The following MYO16 variants were observed in gnomAD, a reference collection of about 807,000 sequenced individuals.
The protein encoded by MYO16 is myosin XVI.
Under a neutral mutation model 205.3 loss-of-function variants are expected in MYO16, and 94 were observed. The observed-to-expected ratio is 0.46, with a 90% CI of 0.39 to 0.54. MYO16 has a LOEUF of 0.54. Among genes scored for constraint, MYO16 ranks in the 20% least tolerant of loss-of-function variants. MYO16 has a pLI of 0.00. For synonymous variants in MYO16, 988 were observed against 954.0 expected (o/e 1.04, Z -0.66); for missense variants, 2,315 against 2,387.5 (o/e 0.97, Z 0.63).
intron 32 of MYO16, among the ~76,000 whole-genome samples, chr13:109,153,576 T>C (rs1472548944): frequency 6.6e-6 from 1 of 152,076 alleles, no homozygotes; most frequent in Non-Finnish European, 1.5e-5. Flanking sequence ...CTGGCCGACA[T>C]GGTCAAACCC....
intron 4 of MYO16, among the ~76,000 whole-genome samples, chr13:108,737,954 T>A (rs1884764482): frequency 6.6e-6 from 1 of 152,204 alleles, no homozygotes; most frequent in Admixed American, 6.5e-5. Flanking sequence ...CTGATGGTAG[T>A]TTGTATTTCT....
At position 109,206,639 on chromosome 13, in the gene MYO16, G is replaced by T; in HGVS notation, c.5446G>T (p.Glu1816Ter). 1 of 1,613,922 alleles carries T rather than the reference G, an allele frequency of 6.2e-7. No individual in the cohort carries two copies. The highest frequency in any genetic ancestry group is 1.1e-5 in the South Asian group (1 of 91,070). ...VIHQLRLSEN[E>*]SVALQELLDW... ...CCATCAGCTGAGGCTCTCAGAGAATGAAAGTGTGGCCCTGCAGGAACTCTT... is the reference window on the plus strand; with the variant it reads ...CCATCAGCTGAGGCTCTCAGAGAATTAAAGTGTGGCCCTGCAGGAACTCTT... Residue 1816 changes from glutamate to a stop codon, truncating the protein, a stop_gained, in exon 35 of 35, where the codon GAA (glutamate) becomes TAA (stop). Coordinates refer to ENST00000457511, the MANE Select transcript of MYO16 (RefSeq NM_001198950.3). LOFTEE classifies it high-confidence loss of function.
chr13:108,830,503 C>T (rs1005000640), intron 9 of MYO16, among the ~76,000 whole-genome samples: 4 of 150,934 alleles, frequency 2.7e-5, no homozygotes, highest in South Asian at 2.1e-4. Flanking sequence ...AGTAAACTAT[C>T]GCAAGAACAG....
Position 108,687,743 on chromosome 13 carries a change from T to G in MYO16, c.292+21594T>G, listed in dbSNP as rs1296767246. 2.0e-5 allele frequency among the ~76,000 whole-genome samples: 3 copies of G among 152,228 alleles called. No individual in the cohort carries two copies. The East Asian group carries it at 5.8e-4, about 29-fold the overall frequency. ...AAATAATTTATAAAGTGTGATTTTTTGGGAACAGTGTAATATTAGTGCTAC... is the reference window on the plus strand; with the variant it reads ...AAATAATTTATAAAGTGTGATTTTTGGGGAACAGTGTAATATTAGTGCTAC... On this transcript the variant is annotated intron_variant, in intron 2 of 34. Coordinates refer to ENST00000457511, the MANE Select transcript of MYO16 (RefSeq NM_001198950.3).
chr13:109,059,589 C>A (rs187523923), intron 27 of MYO16, among the ~76,000 whole-genome samples: 4 of 152,182 alleles, frequency 2.6e-5, no homozygotes, highest in Non-Finnish European at 2.9e-5. Flanking sequence ...TCATATGATT[C>A]ACCCACTTTT....
Position 109,127,576 on chromosome 13 carries a change from T to G in MYO16, c.4051+26T>G, listed in dbSNP as rs753805019. The G allele has an allele frequency of 6.2e-7, 1 of 1,601,744 alleles. No homozygotes were observed. Among genetic ancestry groups the G allele is most frequent in the South Asian group, 1.1e-5 (1 of 90,536 alleles). On this transcript the variant is annotated intron_variant, in intron 31 of 34. Coordinates refer to ENST00000457511, the MANE Select transcript of MYO16 (RefSeq NM_001198950.3). The surrounding 1 kb of genome is among the most constrained non-coding windows in gnomAD (Gnocchi z 4.2). ...GTCAGCCCTGGGGAGGGACCCAGCC[T>G]CGTGTTCCGGGCTCGCGCATGCTCT...
chr13:109,014,780 A>G (rs1885744289), intron 22 of MYO16, among the ~76,000 whole-genome samples: 1 of 152,138 alleles, frequency 6.6e-6, no homozygotes, highest in Non-Finnish European at 1.5e-5. Context: ...TTATTGGTGT[A>G]TAAGAATGCT....
chr13:109,088,274 A>G (rs572552899), intron 27 of MYO16, among the ~76,000 whole-genome samples: 65 of 152,308 alleles, frequency 4.3e-4, no homozygotes, highest in African/African-American at 1.5e-3. Context: ...AAACCTGGCT[A>G]AAATAAACAT....
chr13:109,195,852 C>A (rs1227598521), intron 34 of MYO16, among the ~76,000 whole-genome samples: 4 of 152,118 alleles, frequency 2.6e-5, no homozygotes, highest in African/African-American at 9.7e-5. Context: ...ATATGATCCA[C>A]AGGAATGCAT....
chr13:108,947,834 C>A (rs1039846355), intron 16 of MYO16, among the ~76,000 whole-genome samples: 2 of 152,204 alleles, frequency 1.3e-5, no homozygotes, highest in Non-Finnish European at 2.9e-5. Context: ...ATGAACTATT[C>A]TGGGAATGTC....
At chr13:108,659,455 T>C in intron 1 of MYO16, 1 of 348,750 alleles carries the variant, frequency 2.9e-6, no homozygotes, top group South Asian at 2.2e-5. Context: ...CTTCTGGCCA[T>C]AAACTTTTAT....
At chr13:108,976,586 A>C (rs994706626) in intron 20 of MYO16, among the ~76,000 whole-genome samples, 2 of 152,182 alleles carry the variant, frequency 1.3e-5, no homozygotes, top group Non-Finnish European at 2.9e-5. Flanking sequence ...ATTTATGAGT[A>C]ATTGAGTGTT....
intron 8 of MYO16, among the ~76,000 whole-genome samples, chr13:108,821,520 C>T (rs1359299504): frequency 2.0e-5 from 3 of 152,136 alleles, no homozygotes; most frequent in Admixed American, 6.6e-5. Context: ...TTTTTAAAAA[C>T]GTGTTTACTG....
At chr13:108,574,986 C>T in the MYO16 span, among the ~76,000 whole-genome samples, 2 of 152,120 alleles carry the variant, frequency 1.3e-5, no homozygotes, top group Non-Finnish European at 2.9e-5. Context: ...CTCACATACT[C>T]CAGTGTGACT....
intron 33 of MYO16, among the ~76,000 whole-genome samples, chr13:109,170,625 G>A (rs1289028065): frequency 1.3e-5 from 2 of 151,482 alleles, no homozygotes; most frequent in East Asian, 1.9e-4. Flanking sequence ...TGAGGCAAAA[G>A]GCAAAAACTA....
intron 3 of MYO16, among the ~76,000 whole-genome samples, chr13:108,716,546 A>G (rs1376141578): frequency 6.6e-6 from 1 of 152,176 alleles, no homozygotes; most frequent in Non-Finnish European, 1.5e-5. Flanking sequence ...GAAAAATTGC[A>G]GGTTGCTGGA....
At chr13:108,692,303 C>T (rs998786866) in intron 2 of MYO16, among the ~76,000 whole-genome samples, 1 of 151,776 alleles carries the variant, frequency 6.6e-6, no homozygotes, top group Non-Finnish European at 1.5e-5. Flanking sequence ...TTGAAACTGA[C>T]TGAGGTATTT....
At chr13:108,714,272 G>C (rs1328208072) in intron 3 of MYO16, among the ~76,000 whole-genome samples, 1 of 152,180 alleles carries the variant, frequency 6.6e-6, no homozygotes, top group Non-Finnish European at 1.5e-5. Context: ...CGCTAGGATA[G>C]TCTGGATCTC....
chr13:109,088,288 G>A (rs1888504205), intron 27 of MYO16, among the ~76,000 whole-genome samples: 3 of 152,274 alleles, frequency 2.0e-5, no homozygotes, highest in African/African-American at 4.8e-5. Context: ...TAAACATTAC[G>A]TGTGGGAAAG....
Sources: allele counts gnomAD v4.1 joint callset (sites outside exome capture counted in the v4.1 genomes callset), GRCh38; gene constraint gnomAD v4.1.1; non-coding constraint Gnocchi (gnomAD v3.1); transcripts MANE v1.5; gene names NCBI Gene and HGNC (gene_info 2026-07-23, HGNC 2026-07-21).